Variants in SLC30A7 observed in about 807,000 individuals in gnomAD.
SLC30A7 encodes zinc transporter 7.
SLC30A7 carries 35 observed loss-of-function variants against 46.0 expected under a neutral mutation model. The ratio of observed to expected loss-of-function variants is 0.76; its 90% CI spans 0.58 to 1.01. The LOEUF (loss-of-function observed/expected upper bound fraction) is 1.01, where lower values mean the gene tolerates loss of function less well. Among genes scored for constraint, SLC30A7 ranks in the 50% least tolerant of loss-of-function variants. SLC30A7 has a pLI of 0.00. For missense variants in SLC30A7, 464 were observed against 451.1 expected, an observed-to-expected ratio of 1.03 and a Z score of -0.26; for synonymous variants, 147 against 157.8, an observed-to-expected ratio of 0.93 and a Z score of 0.51.
At chr1:100,947,129 G>C in intron 8 of SLC30A7, among the ~76,000 whole-genome samples, 1 of 152,104 alleles carries the variant, frequency 6.6e-6, no homozygotes, top group Admixed American at 6.6e-5. Context: ...TGGTTTTCTA[G>C]TTATTTTAAT....
In SLC30A7 at chr1:100,911,098, A is replaced by G. The variant is rs542503042; in HGVS notation, c.332A>G (p.Asn111Ser). 3.5e-5 allele frequency: 56 copies of G among 1,612,284 alleles called. 2 individuals are homozygous for G. In the South Asian group the frequency reaches 5.7e-4, roughly 16 times the overall value. Reference sequence around the variant, plus strand: ...GCGGAAGTTCTGGCTGGCTTTGTCAATGGCCTATTTTTGATCTTCACTGCT... The same window carrying G: ...GCGGAAGTTCTGGCTGGCTTTGTCAGTGGCCTATTTTTGATCTTCACTGCT... ...VRAEVLAGFVNGLFLIFTAFF... is the reference protein window; with the variant it reads ...VRAEVLAGFVSGLFLIFTAFF... The change falls in exon 4 of 11, where the codon AAT (asparagine) becomes AGT (serine). Residue 111 changes from asparagine (N) to serine (S), a missense_variant. Asn to Ser is a conservative substitution (Grantham distance 46). Transcript: ENST00000357650.
rs1656813366 is a variant in SLC30A7 at position 100,979,706 on chromosome 1, A to T, written c.*4849A>T. The stretch of plus-strand genomic sequence containing the variant: ...GACGGAGCATTTTCAAATCTCCTCT[A>T]ATTCTCATAACATCTCTGTGAGGAA... On this transcript the variant is annotated 3_prime_UTR_variant, in exon 11 of 11. Coordinates refer to ENST00000357650, the MANE Select transcript of SLC30A7 (RefSeq NM_133496.5). 6.6e-6 allele frequency: 1 copy of T among 152,168 alleles called. No individual in the cohort carries two copies. The highest frequency in any genetic ancestry group is 1.5e-5 in the Non-Finnish European group (1 of 67,984). 9.4% of individuals were successfully genotyped at this position (152,168 alleles called of 1,614,324 possible).
At chr1:100,970,573 A>G (rs1334052314) in intron 10 of SLC30A7, among the ~76,000 whole-genome samples, 2 of 151,874 alleles carry the variant, frequency 1.3e-5, no homozygotes, top group African/African-American at 4.8e-5. Flanking sequence ...CTGTTGACAT[A>G]CAAAAAGTCT....
At chr1:100,949,146 C>A (rs1429333541) in intron 8 of SLC30A7, among the ~76,000 whole-genome samples, 3 of 152,130 alleles carry the variant, frequency 2.0e-5, no homozygotes, top group African/African-American at 7.2e-5. Context: ...CTGGTTTCTC[C>A]CCATCTTGTG....
At chr1:100,905,553 C>T (rs1219679857) in intron 2 of SLC30A7, among the ~76,000 whole-genome samples, 3 of 151,906 alleles carry the variant, frequency 2.0e-5, no homozygotes, top group Non-Finnish European at 2.9e-5. Flanking sequence ...ATGTTTGATA[C>T]GTCCAGACAG....
chr1:100,934,549 A>G (rs909416487), intron 8 of SLC30A7, among the ~76,000 whole-genome samples: 3 of 152,130 alleles, frequency 2.0e-5, no homozygotes, highest in East Asian at 3.9e-4. Context: ...ACATCTTCTT[A>G]AGGTGTGGAA....
At chr1:100,984,563 C>T (rs1657163134), downstream of SLC30A7, among the ~76,000 whole-genome samples, 1 of 152,136 alleles carries the variant, frequency 6.6e-6, no homozygotes. Context: ...GAAATAGATC[C>T]AAAGAGAACT....
rs749460113 is a variant in SLC30A7, at chr1:100,896,254, G to C, written c.-9G>C. ...GGGAGTAGACCCGGCCCTTCGCCGG[G>C]CAGAGAAGATGTTGCCCCTGTCCAT... On this transcript the variant is annotated 5_prime_UTR_variant, in exon 1 of 11. Coordinates refer to ENST00000357650, the MANE Select transcript of SLC30A7 (RefSeq NM_133496.5). 6.2e-7 allele frequency: 1 copy of C among 1,614,132 alleles called. No individual in the cohort carries two copies. The highest frequency in any genetic ancestry group is 1.1e-5 in the South Asian group (1 of 91,086).
At chr1:100,929,394 A>T (rs1415907072) in intron 8 of SLC30A7, among the ~76,000 whole-genome samples, 1 of 152,156 alleles carries the variant, frequency 6.6e-6, no homozygotes, top group African/African-American at 2.4e-5. Context: ...TGTACACCTG[A>T]TAAAGAACTA....
rs375450250 is a variant in SLC30A7, at chr1:100,910,196, AG to A, written c.297-866del. 6.3e-3 allele frequency among the ~76,000 whole-genome samples: 952 copies of A among 152,222 alleles called. 12 individuals are homozygous for A. Among genetic ancestry groups the A allele is most frequent in the South Asian group, 0.041 (196 of 4,828 alleles). On this transcript the variant is annotated intron_variant, in intron 3 of 10. Coordinates refer to ENST00000357650, the MANE Select transcript of SLC30A7 (RefSeq NM_133496.5). ...AACATAGAAACCTAGGAAAAGCACG[AG>A]TTTTGATGCTCTCATTATATTGTTT...
intron 10 of SLC30A7, among the ~76,000 whole-genome samples, chr1:100,969,963 C>A (rs769312073): frequency 1.9e-4 from 29 of 152,094 alleles, no homozygotes; most frequent in East Asian, 1.9e-4. Context: ...TATGCCAAGG[C>A]TTGCAGGAGC....
chr1:100,898,385 A>C (rs1651106240), intron 2 of SLC30A7, among the ~76,000 whole-genome samples: 1 of 152,218 alleles, frequency 6.6e-6, no homozygotes. Flanking sequence ...GCATCAGTGC[A>C]TAACAAAAAC....
At chr1:100,992,186 A>G in the SLC30A7 span, among the ~76,000 whole-genome samples, 2 of 152,182 alleles carry the variant, frequency 1.3e-5, no homozygotes, top group African/African-American at 4.8e-5. Flanking sequence ...TATTAGGAAT[A>G]TAAGAACAAA....
chr1:100,941,522 T>A (rs1265384776), intron 8 of SLC30A7: 1 of 536,496 alleles, frequency 1.9e-6, no homozygotes, highest in African/African-American at 1.9e-5. Context: ...GGCAAAGCCT[T>A]TTTTCTTGCC....
Position 100,978,953 on chromosome 1 carries a change from T to G in SLC30A7, c.*4096T>G, listed in dbSNP as rs1656735141. 1 of 152,204 alleles carries G rather than the reference T, an allele frequency of 6.6e-6. No individual in the cohort carries two copies. The highest frequency in any genetic ancestry group is 1.5e-5 in the Non-Finnish European group (1 of 68,016). The allele number at this position is 152,204 out of a possible 1,614,324, so 9.4% of individuals were successfully genotyped here. Reference sequence around the variant, plus strand: ...TTAAGGATTGCTTAGTTTCTTTATTTTGTTTATGGTCTCTGAACTGGTATT... The same window carrying G: ...TTAAGGATTGCTTAGTTTCTTTATTGTGTTTATGGTCTCTGAACTGGTATT... On this transcript the variant is annotated 3_prime_UTR_variant, in exon 11 of 11. Coordinates refer to ENST00000357650, the MANE Select transcript of SLC30A7 (RefSeq NM_133496.5).
In SLC30A7 at chr1:100,918,092, A is replaced by G. The variant is rs140951131; in HGVS notation, c.671A>G (p.Lys224Arg). The change falls in exon 7 of 11, where the codon AAA becomes AGA. Residue 224 changes from lysine (K) to arginine (R), a missense_variant. By Grantham distance (26) the Lys-to-Arg change is conservative. Transcript: ENST00000357650. ...TTCTCTACAGATGGCCCGTCCTTAA[A>G]AGAAACAACAGGACCCAGCAGACAG... ...HFHSHDGPSL[K>R]ETTGPSRQIL... is the part of the protein sequence containing the mutation. 2 of 1,612,796 alleles carry G rather than the reference A, an allele frequency of 1.2e-6. No individual in the cohort carries two copies. The highest frequency in any genetic ancestry group is 2.7e-5 in the African/African-American group (2 of 75,018).
At chr1:100,969,002 GAA>G (rs1656010222) in intron 10 of SLC30A7, among the ~76,000 whole-genome samples, 1 of 152,180 alleles carries the variant, frequency 6.6e-6, no homozygotes, top group Non-Finnish European at 1.5e-5. Context: ...CTGATAAAGA[GAA>G]ATGTGTCATT....
intron 8 of SLC30A7, among the ~76,000 whole-genome samples, chr1:100,931,843 A>G (rs61780293): frequency 0.16 from 25,054 of 152,138 alleles, 2,118 homozygotes; most frequent in African/African-American, 0.18. Context: ...TAAACATCAA[A>G]CATACTGTAT....
intron 8 of SLC30A7, among the ~76,000 whole-genome samples, chr1:100,935,498 G>A (rs1173592873): frequency 6.6e-6 from 1 of 152,180 alleles, no homozygotes; most frequent in Non-Finnish European, 1.5e-5. Flanking sequence ...GAGCTATAGT[G>A]ATAGACTTGG....
Sources: allele counts gnomAD v4.1 joint callset (sites outside exome capture counted in the v4.1 genomes callset), GRCh38; gene constraint gnomAD v4.1.1; transcripts MANE v1.5; gene names NCBI Gene and HGNC (gene_info 2026-07-23, HGNC 2026-07-21).